RBFOX1: variants seen among roughly 807,000 people sequenced by gnomAD.
The protein encoded by RBFOX1 is RNA binding fox-1 homolog 1.
RBFOX1 carries 8 observed loss-of-function variants against 57.7 expected under a neutral mutation model. The ratio of observed to expected loss-of-function variants is 0.14; its 90% CI spans 0.08 to 0.25. The LOEUF (loss-of-function observed/expected upper bound fraction) is 0.25. Among genes scored for constraint, RBFOX1 ranks in the 10% least tolerant of loss-of-function variants. RBFOX1 has a pLI of 1.00. For missense variants in RBFOX1, 611 were observed against 548.5 expected, an observed-to-expected ratio of 1.11 and a Z score of -1.14; for synonymous variants, 326 against 222.4, an observed-to-expected ratio of 1.47 and a Z score of -4.15.
At chr16:6,636,293 C>T (rs1160216738) in intron 2 of RBFOX1, among the ~76,000 whole-genome samples, 1 of 152,092 alleles carries the variant, frequency 6.6e-6, no homozygotes, top group Non-Finnish European at 1.5e-5. Flanking sequence ...GCCTCAGCCT[C>T]CCGAGTAGCT....
chr16:7,161,529 A>G (rs535606592), intron 4 of RBFOX1, among the ~76,000 whole-genome samples: 2 of 152,284 alleles, frequency 1.3e-5, no homozygotes, highest in East Asian at 3.9e-4. Context: ...TATTTTACAG[A>G]TTCAGAAAGA....
chr16:7,214,292 C>G (rs994222550), intron 4 of RBFOX1, among the ~76,000 whole-genome samples: 2 of 152,100 alleles, frequency 1.3e-5, no homozygotes, highest in Non-Finnish European at 2.9e-5. Flanking sequence ...GGAGAATGAT[C>G]TTTATGATGA....
chr16:6,809,494 G>T (rs1344843820), intron 3 of RBFOX1, among the ~76,000 whole-genome samples: 3 of 152,076 alleles, frequency 2.0e-5, no homozygotes, highest in African/African-American at 7.2e-5. Context: ...CATCTACATT[G>T]AAGAGCTGTC....
intron 14 of RBFOX1, among the ~76,000 whole-genome samples, chr16:7,704,012 T>TA (rs1292405810): frequency 7.2e-5 from 11 of 152,340 alleles, no homozygotes; most frequent in Admixed American, 5.9e-4. Context: ...GGTGGCTTAA[T>TA]ATTTACCTGG....
chr16:6,584,705 C>T (rs555939791), intron 2 of RBFOX1, among the ~76,000 whole-genome samples: 1 of 152,114 alleles, frequency 6.6e-6, no homozygotes, highest in Non-Finnish European at 1.5e-5. Flanking sequence ...CCTGAATGAC[C>T]TCTAGCTACT....
chr16:6,007,480 G>A (rs1477188940), intron 4 of RBFOX1, among the ~76,000 whole-genome samples: 1 of 152,186 alleles, frequency 6.6e-6, no homozygotes, highest in Non-Finnish European at 1.5e-5. Flanking sequence ...AGCCACAGTT[G>A]ACATGTTGAT....
intron 5 of RBFOX1, among the ~76,000 whole-genome samples, chr16:7,565,674 A>G (rs377520380): frequency 3.3e-4 from 51 of 152,330 alleles, no homozygotes; most frequent in African/African-American, 1.2e-3. Context: ...AATATTGTCA[A>G]CTTAATCAAA....
At chr16:5,860,804 C>A (rs774676979) in intron 3 of RBFOX1, among the ~76,000 whole-genome samples, 1 of 152,164 alleles carries the variant, frequency 6.6e-6, no homozygotes, top group Non-Finnish European at 1.5e-5. Context: ...AGCTCCAGGG[C>A]TCCTCTTGTA....
intron 2 of RBFOX1, among the ~76,000 whole-genome samples, chr16:6,423,749 C>A (rs377221962): frequency 1.3e-5 from 2 of 152,114 alleles, no homozygotes; most frequent in African/African-American, 4.8e-5. Flanking sequence ...GGAATCCCAG[C>A]CGCCAGATGA....
chr16:5,258,135 G>A (rs141692101), intron 1 of RBFOX1, among the ~76,000 whole-genome samples: 27 of 152,196 alleles, frequency 1.8e-4, no homozygotes, highest in African/African-American at 4.8e-4. Flanking sequence ...ATCCACCTCG[G>A]CCTCCTAAAG....
At position 6,019,930 on chromosome 16, in the gene RBFOX1, C is replaced by T. The variant is rs2152347243; in HGVS notation, c.-189C>T. 1 of 1,534,620 alleles carries T rather than the reference C, an allele frequency of 6.5e-7. No homozygotes were observed. The highest frequency in any genetic ancestry group is 8.7e-7 in the Non-Finnish European group (1 of 1,146,308). On this transcript the variant is annotated 5_prime_UTR_variant, in exon 1 of 16. Transcript: ENST00000550418. This position sits in a 1 kb window ranked among gnomAD's most constrained non-coding sequence, Gnocchi z 4.2. ...AGTGTGGCTGGGGGTGCAGAGAGCG[C>T]ACGGGAATTCGGGGGTCTGGGGCCG...
At chr16:5,557,658 C>G (rs1340176987) in intron 2 of RBFOX1, among the ~76,000 whole-genome samples, 1 of 152,100 alleles carries the variant, frequency 6.6e-6, no homozygotes, top group Non-Finnish European at 1.5e-5. Context: ...ATTGTGTGAT[C>G]TAGTTCTTAG....
chr16:5,655,817 T>C (rs1409904928), intron 3 of RBFOX1, among the ~76,000 whole-genome samples: 15 of 152,240 alleles, frequency 9.9e-5, no homozygotes, highest in Non-Finnish European at 4.4e-5. Context: ...GGAGGTGCTG[T>C]TGAAGCCTCC....
At chr16:6,532,473 T>C (rs1292462463) in intron 2 of RBFOX1, among the ~76,000 whole-genome samples, 5 of 152,198 alleles carry the variant, frequency 3.3e-5, no homozygotes, top group Admixed American at 6.5e-5. Context: ...CCAGTTACTT[T>C]CTGCTTTAAG....
rs1023886478 is a variant in RBFOX1, at chr16:7,053,890, T to C, written c.27+1792T>C. Among the ~76,000 whole-genome samples, 14 of 152,266 alleles carry C rather than the reference T, an allele frequency of 9.2e-5. No individual in the cohort carries two copies. In the East Asian group the frequency reaches 2.3e-3, roughly 25 times the overall value. On this transcript the variant is annotated intron_variant, in intron 4 of 15. Transcript: ENST00000550418. ...TTTTTAAATGAATTTATGTTTTGAATTGATAGATGGCACATTTGATTGGAT... is the reference window on the plus strand; with the variant it reads ...TTTTTAAATGAATTTATGTTTTGAACTGATAGATGGCACATTTGATTGGAT...
At chr16:7,587,535 G>A (rs1381117839) in intron 7 of RBFOX1, among the ~76,000 whole-genome samples, 6 of 151,964 alleles carry the variant, frequency 3.9e-5, no homozygotes. Context: ...AGTTTCCAGA[G>A]GAAAATTATA....
intron 4 of RBFOX1, among the ~76,000 whole-genome samples, chr16:7,363,369 G>A (rs1365437345): frequency 6.6e-6 from 1 of 152,088 alleles, no homozygotes; most frequent in Non-Finnish European, 1.5e-5. Flanking sequence ...GTCCAAGGGG[G>A]TAAAACAAAG....
chr16:7,327,813 CT>C (rs5741745), intron 4 of RBFOX1, among the ~76,000 whole-genome samples: 39,602 of 149,000 alleles, frequency 0.27, 6,038 homozygotes, highest in African/African-American at 0.42. Flanking sequence ...ACAATATTAC[CT>C]TTTTTTTTTT....
intron 1 of RBFOX1, among the ~76,000 whole-genome samples, chr16:6,022,078 G>A (rs1332410300): frequency 6.6e-6 from 1 of 152,100 alleles, no homozygotes; most frequent in African/African-American, 2.4e-5. Context: ...GTTCCAAGGA[G>A]GATCACGGAC....
Sources: allele counts gnomAD v4.1 joint callset (sites outside exome capture counted in the v4.1 genomes callset), GRCh38; gene constraint gnomAD v4.1.1; non-coding constraint Gnocchi (gnomAD v3.1); transcripts MANE v1.5; gene names NCBI Gene and HGNC (gene_info 2026-07-23, HGNC 2026-07-21).